EPHA3: variants seen among roughly 807,000 people sequenced by gnomAD.
EPHA3 encodes ephrin type-A receptor 3.
EPHA3 carries 42 observed loss-of-function variants against 107.1 expected under a neutral mutation model. The observed-to-expected ratio is 0.39, with a 90% CI of 0.31 to 0.51. The LOEUF (loss-of-function observed/expected upper bound fraction) is 0.51. Among genes scored for constraint, EPHA3 ranks in the 20% least tolerant of loss-of-function variants. The probability of loss-of-function intolerance (pLI) is 0.78; values close to 1 mark genes in which losing one functional copy is unlikely to be tolerated. For missense variants in EPHA3, 1,183 were observed against 1,211.2 expected (o/e 0.98, Z 0.35); for synonymous variants, 461 against 424.8 (o/e 1.09, Z -1.05).
chr3:89,351,198 G>A (rs1017744553), intron 5 of EPHA3, among the ~76,000 whole-genome samples: 4 of 151,226 alleles, frequency 2.6e-5, no homozygotes, highest in African/African-American at 4.8e-5. Flanking sequence ...GGGCAATGGC[G>A]GGCGCCCCTC....
At chr3:89,222,349 A>ATATATG (rs1240450689) in intron 3 of EPHA3, among the ~76,000 whole-genome samples, 2 of 131,680 alleles carry the variant, frequency 1.5e-5, no homozygotes, top group African/African-American at 2.9e-5. Flanking sequence ...ATATATATAT[A>ATATATG]TATATGTATA....
chr3:89,280,409 G>T (rs528237790), intron 3 of EPHA3, among the ~76,000 whole-genome samples: 14 of 152,068 alleles, frequency 9.2e-5, no homozygotes, highest in Non-Finnish European at 1.6e-4. Context: ...TGGGGTTGGG[G>T]TTAGGCAAAG....
At chr3:89,350,266 G>C (rs1339339480) in intron 5 of EPHA3, among the ~76,000 whole-genome samples, 10 of 149,942 alleles carry the variant, frequency 6.7e-5, no homozygotes, top group African/African-American at 2.2e-4. Flanking sequence ...ATCAGACGTA[G>C]ATTTGGTCTT....
intron 3 of EPHA3, among the ~76,000 whole-genome samples, chr3:89,293,563 G>A (rs1047192517): frequency 1.6e-4 from 24 of 152,226 alleles, no homozygotes; most frequent in African/African-American, 5.5e-4. Flanking sequence ...GTCAGGGGAC[G>A]AACTTGGTGG....
intron 5 of EPHA3, among the ~76,000 whole-genome samples, chr3:89,365,955 A>G (rs1467193640): frequency 6.6e-6 from 1 of 150,722 alleles, no homozygotes; most frequent in African/African-American, 2.4e-5. Context: ...ATGCTTCTTG[A>G]TTTTTGTGTA....
chr3:89,341,975 A>G lies in EPHA3; in HGVS notation c.1191A>G (p.Thr397=), dbSNP rs2107420745. The change falls in exon 5 of 17, where the codon ACA becomes ACG. Residue 397 remains threonine, a synonymous_variant. Transcript: ENST00000336596. ...FGLTNTTVTV[T]DLLAHTNYTF... The stretch of plus-strand genomic sequence containing the variant: ...TCACCAACACCACGGTGACAGTGAC[A>G]GACCTTCTGGCACATACTAACTACA... 2 of 1,613,454 alleles carry G rather than the reference A, an allele frequency of 1.2e-6. No individual in the cohort carries two copies. Among genetic ancestry groups the G allele is most frequent in the African/African-American group, 2.7e-5 (2 of 74,772 alleles).
intron 3 of EPHA3, among the ~76,000 whole-genome samples, chr3:89,301,900 C>A (rs975519709): frequency 3.3e-5 from 5 of 151,922 alleles, no homozygotes; most frequent in African/African-American, 1.2e-4. Context: ...GAAACTGAAA[C>A]CAATGTGATA....
chr3:89,191,444 C>G (rs1013975097), intron 2 of EPHA3, among the ~76,000 whole-genome samples: 21 of 151,956 alleles, frequency 1.4e-4, no homozygotes, highest in Middle Eastern at 3.4e-3. Context: ...GTAGCTGGGA[C>G]TACAGGCGCC....
chr3:89,215,014 T>A (rs1435288046), intron 3 of EPHA3, among the ~76,000 whole-genome samples: 2 of 151,912 alleles, frequency 1.3e-5, no homozygotes, highest in Non-Finnish European at 2.9e-5. Flanking sequence ...GGAAAGGATA[T>A]ACCAATAAAT....
intron 2 of EPHA3, among the ~76,000 whole-genome samples, chr3:89,129,797 A>G (rs186018862): frequency 6.6e-6 from 1 of 152,264 alleles, no homozygotes; most frequent in East Asian, 1.9e-4. Context: ...TAAAGGAAAT[A>G]GATACTTATA....
chr3:89,136,347 T>TTTTTTTTTTTTTTTTTTTTTTTTTTC (rs1353045933), intron 2 of EPHA3, among the ~76,000 whole-genome samples: 1 of 137,826 alleles, frequency 7.3e-6, no homozygotes, highest in African/African-American at 2.7e-5. Flanking sequence ...TTTTTTTTTT[T>TTTTTTTTTTTTTTTTTTTTTTTTTTC]TTTTTTTGAC....
intron 2 of EPHA3, among the ~76,000 whole-genome samples, chr3:89,202,243 T>C (rs1000550444): frequency 1.3e-5 from 2 of 151,892 alleles, no homozygotes; most frequent in African/African-American, 2.4e-5. Context: ...GCTTGTAATC[T>C]CAGCACTTTG....
Position 89,345,900 on chromosome 3 carries a change from AATG to A in EPHA3, c.1306+3816_1306+3818del, listed in dbSNP as rs1199264329. Among the ~76,000 whole-genome samples the A allele has an allele frequency of 1.4e-5, 2 of 145,042 alleles. 1 individual carries two copies. Among genetic ancestry groups the A allele is most frequent in the Non-Finnish European group, 3.1e-5 (2 of 65,524 alleles). On this transcript the variant is annotated intron_variant, in intron 5 of 16. Coordinates refer to ENST00000336596, the MANE Select transcript of EPHA3 (RefSeq NM_005233.6). ...TTTGTTCTTGCGATAGTTTACTGAG[AATG>A]ATGATTTCCAATTTCATCCATGTCC... is the stretch of plus-strand genomic sequence containing the variant.
chr3:89,343,324 T>G (rs2107423745), intron 5 of EPHA3, among the ~76,000 whole-genome samples: 1 of 152,320 alleles, frequency 6.6e-6, no homozygotes, highest in East Asian at 1.9e-4. Context: ...CTGCTGGTTG[T>G]TAACATTTTC....
intron 1 of EPHA3, among the ~76,000 whole-genome samples, chr3:89,114,302 C>A (rs1268396585): frequency 6.6e-6 from 1 of 152,134 alleles, no homozygotes; most frequent in Admixed American, 6.5e-5. Flanking sequence ...AGTAATGTGG[C>A]AACAGGGAGA....
chr3:89,162,261 G>C (rs1704965023), intron 2 of EPHA3, among the ~76,000 whole-genome samples: 1 of 152,076 alleles, frequency 6.6e-6, no homozygotes, highest in Non-Finnish European at 1.5e-5. Context: ...ATGCATTTTA[G>C]AAATGAGGAA....
At chr3:89,401,398 T>C (rs1199844769) in intron 7 of EPHA3, among the ~76,000 whole-genome samples, 3 of 152,110 alleles carry the variant, frequency 2.0e-5, no homozygotes, top group Non-Finnish European at 4.4e-5. Context: ...TATGGAGAAA[T>C]CACCCTCAGA....
At chr3:89,426,076 G>A (rs900535516) in intron 11 of EPHA3, among the ~76,000 whole-genome samples, 1 of 151,662 alleles carries the variant, frequency 6.6e-6, no homozygotes, top group Non-Finnish European at 1.5e-5. Context: ...TCATAGAACA[G>A]TACTTTCATT....
At chr3:89,459,425 CTCTTTCTT>C (rs201423646) in intron 15 of EPHA3, among the ~76,000 whole-genome samples, 36 of 151,518 alleles carry the variant, frequency 2.4e-4, no homozygotes, top group Non-Finnish European at 4.9e-4. Context: ...CTTTTTCTTA[CTCTTTCTT>C]TCTTTCTTTC....
Sources: gnomAD v4.1 joint callset for allele counts (sites outside exome capture counted in the v4.1 genomes callset) on GRCh38, gnomAD v4.1.1 for gene constraint, MANE v1.5 for transcripts, NCBI Gene and HGNC (gene_info 2026-07-23, HGNC 2026-07-21) for gene names.